MYO16: variants seen among roughly 807,000 people sequenced by gnomAD.
MYO16 encodes myosin XVI, also known as unconventional myosin-XVI.
A neutral mutation model predicts 205.3 loss-of-function variants in MYO16; 94 were observed. That is an observed-to-expected ratio of 0.46 (90% CI 0.39 to 0.54). The LOEUF (loss-of-function observed/expected upper bound fraction) is 0.54, where lower values mean the gene tolerates loss of function less well. MYO16 is among the 20% of genes least tolerant of loss of function. The pLI is 0.00. For synonymous variants in MYO16, 988 were observed against 954.0 expected (o/e 1.04, Z -0.66); for missense variants, 2,315 against 2,387.5 (o/e 0.97, Z 0.63).
intron 1 of MYO16, among the ~76,000 whole-genome samples, chr13:108,650,507 G>A (rs1488791083): frequency 6.6e-6 from 1 of 152,178 alleles, no homozygotes; most frequent in Non-Finnish European, 1.5e-5. Flanking sequence ...CGGAATTGAA[G>A]ATGTTGATCA....
intron 21 of MYO16, among the ~76,000 whole-genome samples, chr13:109,000,657 T>G (rs1885182746): frequency 6.6e-6 from 1 of 152,064 alleles, no homozygotes; most frequent in Non-Finnish European, 1.5e-5. Flanking sequence ...TTTGATAGAG[T>G]GACTGAAGCT....
chr13:108,520,822 C>T, the MYO16 span, among the ~76,000 whole-genome samples: 2 of 152,194 alleles, frequency 1.3e-5, no homozygotes, highest in African/African-American at 4.8e-5. Flanking sequence ...GCTTTCTCTT[C>T]CAATGATAAC....
chr13:108,710,106 G>A (rs1321172337), intron 2 of MYO16, among the ~76,000 whole-genome samples: 1 of 152,122 alleles, frequency 6.6e-6, no homozygotes, highest in Non-Finnish European at 1.5e-5. Flanking sequence ...TTCTTTATGA[G>A]TTTCATGATT....
intron 16 of MYO16, among the ~76,000 whole-genome samples, chr13:108,954,193 G>A (rs567956016): frequency 1.3e-5 from 2 of 152,346 alleles, no homozygotes; most frequent in Admixed American, 6.5e-5. Flanking sequence ...ACTTAAGCTA[G>A]CTGGTGCAGG....
At chr13:109,139,905 T>G in intron 31 of MYO16, among the ~76,000 whole-genome samples, 1 of 152,054 alleles carries the variant, frequency 6.6e-6, no homozygotes, top group African/African-American at 2.4e-5. Context: ...TTTTGTTTCT[T>G]TTTAACTTTT....
intron 1 of MYO16, among the ~76,000 whole-genome samples, chr13:108,603,514 G>A (rs779221247): frequency 9.9e-5 from 15 of 152,022 alleles, no homozygotes; most frequent in African/African-American, 1.7e-4. Flanking sequence ...TAATGATAAC[G>A]TTTGATGTTT....
chr13:108,860,273 T>C lies in MYO16; in HGVS notation c.1359+4720T>C, dbSNP rs377240580. On this transcript the variant is annotated intron_variant, in intron 11 of 34. Coordinates refer to ENST00000457511, the MANE Select transcript of MYO16 (RefSeq NM_001198950.3). ...AGGAGAACATGAGTTTGGTTTTCTG[T>C]TCCTGTGTTAGTTTGCTAAGGATAA... 7.2e-5 allele frequency among the ~76,000 whole-genome samples: 11 copies of C among 152,338 alleles called. No homozygotes were observed. The South Asian group carries it at 8.3e-4, about 11-fold the overall frequency.
intron 3 of MYO16, among the ~76,000 whole-genome samples, chr13:108,723,577 A>G (rs1884239129): frequency 6.6e-6 from 1 of 152,176 alleles, no homozygotes; most frequent in African/African-American, 2.4e-5. Flanking sequence ...GACTGAAAGA[A>G]CATTCTTTCT....
intron 2 of MYO16, among the ~76,000 whole-genome samples, chr13:108,701,853 A>G (rs1380553318): frequency 6.6e-6 from 1 of 152,184 alleles, no homozygotes; most frequent in East Asian, 1.9e-4. Flanking sequence ...CTCCCCACAT[A>G]GAGAAGAACA....
At chr13:108,962,343 T>C (rs1426584654) in intron 18 of MYO16, 81 bp from the exon 19 acceptor site, 3 of 1,102,120 alleles carry the variant, frequency 2.7e-6, no homozygotes, top group African/African-American at 1.6e-5. Flanking sequence ...ATAAAACTTA[T>C]CAATTATGGC....
intron 32 of MYO16, among the ~76,000 whole-genome samples, chr13:109,158,830 A>G (rs1878212079): frequency 6.6e-6 from 1 of 152,244 alleles, no homozygotes; most frequent in Non-Finnish European, 1.5e-5. Context: ...ACAAAGTATT[A>G]CAAATGTTAA....
chr13:109,083,218 A>G (rs888166394), intron 27 of MYO16, among the ~76,000 whole-genome samples: 1 of 151,798 alleles, frequency 6.6e-6, no homozygotes, highest in Non-Finnish European at 1.5e-5. Flanking sequence ...CCCTGTCTCT[A>G]CTAAAAATAC....
intron 1 of MYO16, among the ~76,000 whole-genome samples, chr13:108,609,172 C>T (rs1161035362): frequency 6.6e-6 from 1 of 152,124 alleles, no homozygotes; most frequent in East Asian, 1.9e-4. Flanking sequence ...TGGAAGTTTC[C>T]TCCTCATTCT....
chr13:108,927,137 A>C (rs920233780), intron 16 of MYO16, among the ~76,000 whole-genome samples: 10 of 151,980 alleles, frequency 6.6e-5, no homozygotes, highest in Non-Finnish European at 1.3e-4. Context: ...AGAGAGAGAG[A>C]GACTGTCCCA....
chr13:109,073,795 C>T (rs1888002079), intron 27 of MYO16, among the ~76,000 whole-genome samples: 2 of 152,152 alleles, frequency 1.3e-5, no homozygotes, highest in South Asian at 2.1e-4. Flanking sequence ...AGCACTTATC[C>T]AATACAAGTG....
chr13:109,194,218 C>T, intron 34 of MYO16, among the ~76,000 whole-genome samples: 1 of 152,114 alleles, frequency 6.6e-6, no homozygotes, highest in East Asian at 1.9e-4. Context: ...CCTATAGAAC[C>T]CACCACAGTT....
At chr13:109,175,092 G>T (rs116429205) in intron 33 of MYO16, among the ~76,000 whole-genome samples, 1 of 151,880 alleles carries the variant, frequency 6.6e-6, no homozygotes. Flanking sequence ...AACCCACTAC[G>T]CTCTGCATGT....
At chr13:108,749,357 C>T (rs1443808087) in intron 4 of MYO16, among the ~76,000 whole-genome samples, 1 of 152,116 alleles carries the variant, frequency 6.6e-6, no homozygotes, top group Non-Finnish European at 1.5e-5. Context: ...CTCTCTGTTC[C>T]TATGAATTTA....
the MYO16 span, among the ~76,000 whole-genome samples, chr13:108,517,979 C>CAA: frequency 6.6e-6 from 1 of 152,276 alleles, no homozygotes; most frequent in Non-Finnish European, 1.5e-5. Flanking sequence ...GTGGAACCCT[C>CAA]ATGACTTAAT....
Sources: gnomAD v4.1 joint callset for allele counts (sites outside exome capture counted in the v4.1 genomes callset) on GRCh38, gnomAD v4.1.1 for gene constraint, MANE v1.5 for transcripts, NCBI Gene and HGNC (gene_info 2026-07-23, HGNC 2026-07-21) for gene names.